Variants in APEX2 observed in about 807,000 individuals in gnomAD.
The protein encoded by APEX2 is DNA-(apurinic or apyrimidinic site) endonuclease 2.
Under a neutral mutation model 16.7 loss-of-function variants are expected in APEX2, and 4 were observed. That is an observed-to-expected ratio of 0.24 (90% CI 0.12 to 0.55). APEX2 has a LOEUF of 0.55. Ranked by LOEUF, APEX2 falls within the 20% of genes least tolerant of loss-of-function variation. The pLI is 0.94. For synonymous variants in APEX2, 181 were observed against 166.9 expected, an observed-to-expected ratio of 1.08 and a Z score of -0.65; for missense variants, 357 against 433.6, an observed-to-expected ratio of 0.82 and a Z score of 1.57.
At position 55,002,944 on chromosome X, in the gene APEX2, G is replaced by C. The variant is rs1426329485; in HGVS notation, c.423-18G>C. Reference sequence around the variant, plus strand: ...AGGTTTGAAACTGACCCCTTTTGGGGGTTTCTCTTTTCTCCAGCACATGGG... The same window carrying C: ...AGGTTTGAAACTGACCCCTTTTGGGCGTTTCTCTTTTCTCCAGCACATGGG... On this transcript the variant is annotated intron_variant, in intron 3 of 5. Transcript: ENST00000374987. 3.3e-6 allele frequency: 4 copies of C among 1,204,210 alleles called. No homozygotes were observed. Among genetic ancestry groups the C allele is most frequent in the African/African-American group, 3.5e-5 (2 of 57,683 alleles).
Position 55,008,551 on chromosome X carries a change from C to T in APEX2, c.*1116C>T, listed in dbSNP as rs1467613383. ...ATGCATTGCACTCCAGCCTGGGCAACAAGAGTGAAATTCAGTCTCCAAAAA... is the reference window on the plus strand; with the variant it reads ...ATGCATTGCACTCCAGCCTGGGCAATAAGAGTGAAATTCAGTCTCCAAAAA... On this transcript the variant is annotated 3_prime_UTR_variant, in exon 6 of 6. Transcript: ENST00000374987. 1 of 98,979 alleles carries T rather than the reference C, an allele frequency of 1.0e-5. No individual in the cohort carries two copies. Among genetic ancestry groups the T allele is most frequent in the African/African-American group, 3.8e-5 (1 of 26,621 alleles). 8.2% of individuals were successfully genotyped at this position (98,979 alleles called of 1,213,427 possible). A position where few individuals can be genotyped will look rare whatever the true frequency, so the allele number is the denominator to read the frequency against.
chrX:55,001,599 A>T lies in APEX2; in HGVS notation c.211A>T (p.Ser71Cys). 1 of 1,206,703 alleles carries T rather than the reference A, an allele frequency of 8.3e-7. No individual in the cohort carries two copies. ...CGTTGAGGGTTATAACTCCTATTTC[A>T]GCTTCAGCCGCAACCGTAGCGGCTA... The part of the protein sequence containing the change: ...AIVEGYNSYF[S>C]FSRNRSGYSG... Residue 71 changes from serine to cysteine, a missense_variant, in exon 2 of 6, where the codon AGC becomes TGC. By Grantham distance (112) the Ser-to-Cys change is moderately radical (BLOSUM62 -1). Coordinates refer to ENST00000374987, the MANE Select transcript of APEX2 (RefSeq NM_014481.4).
chrX:55,002,038 A>G (rs925844957), intron 2 of APEX2, among the ~76,000 whole-genome samples: 1 of 112,696 alleles, frequency 8.9e-6, no homozygotes, highest in African/African-American at 3.2e-5. Context: ...ATACGTCTTG[A>G]GCACTCACCA....
rs1166574802 is a variant in APEX2, at chrX:55,007,043, G to A, written c.1165G>A (p.Gly389Ser). Reference protein sequence around the residue: ...PQPSQVGSSRGQKNLKSYFQP... With the variant: ...PQPSQVGSSRSQKNLKSYFQP... ...GCCCAGTCAGGTTGGCTCTAGCAGA[G>A]GCCAGAAAAACCTGAAGAGCTACTT... The change falls in exon 6 of 6, where the codon GGC becomes AGC. Residue 389 changes from glycine (G) to serine (S), a missense_variant. By Grantham distance (56) the Gly-to-Ser change is moderately conservative. Coordinates refer to ENST00000374987, the MANE Select transcript of APEX2 (RefSeq NM_014481.4). 1 of 1,211,591 alleles carries A rather than the reference G, an allele frequency of 8.3e-7. No homozygotes were observed. The highest frequency in any genetic ancestry group is 1.1e-6 in the Non-Finnish European group (1 of 895,467).
At position 55,003,102 on chromosome X, in the gene APEX2, C is replaced by T; in HGVS notation, c.563C>T (p.Ala188Val). The T allele has an allele frequency of 8.3e-7, 1 of 1,211,382 alleles. No individual in the cohort carries two copies. The highest frequency in any genetic ancestry group is 1.1e-6 in the Non-Finnish European group (1 of 895,147). Residue 188 changes from alanine to valine, a missense_variant, in exon 4 of 6, where the codon GCA (alanine) becomes GTA (valine). Transcript: ENST00000374987. ...ATCCGAGCAGAAGCCCTCCTGGCGG[C>T]AGGCAGGTACTGCAAGCCTGGGCAG... The part of the protein sequence containing the change: ...LQIRAEALLA[A>V]GSHVIILGDL...
rs769028114 is a variant in APEX2 at position 55,003,186 on chromosome X, G to A, written c.569+78G>A. On this transcript the variant is annotated intron_variant, in intron 4 of 5. Coordinates refer to ENST00000374987, the MANE Select transcript of APEX2 (RefSeq NM_014481.4). ...CCCTGTGTCAAGCTCCATTGAAAGG[G>A]ATATGGACCCTTTGTCTCTGAGTTC... is the stretch of plus-strand genomic sequence containing the variant. 5 of 1,096,327 alleles carry A rather than the reference G, an allele frequency of 4.6e-6. No homozygotes were observed. In the African/African-American group the frequency reaches 9.2e-5, roughly 20 times the overall value. The allele number at this position is 1,096,327 out of a possible 1,213,427, so 90.3% of individuals were successfully genotyped here.
chrX:55,002,535 T>C, intron 3 of APEX2, 104 bp downstream of exon 3: 2 of 996,475 alleles, frequency 2.0e-6, no homozygotes, highest in East Asian at 3.2e-5. Flanking sequence ...GTGGAGAAGT[T>C]CCCAAATTTG....
Position 55,002,287 on chromosome X carries a change from T to C in APEX2, c.278T>C (p.Val93Ala). 2 of 1,207,429 alleles carry C rather than the reference T, an allele frequency of 1.7e-6. No homozygotes were observed. The highest frequency in any genetic ancestry group is 2.2e-6 in the Non-Finnish European group (2 of 893,737). ...TTCTGTAAGGACAATGCTACCCCAG[T>C]GGCTGCTGAAGAAGGCCTGAGTGGC... ...ATFCKDNATPVAAEEGLSGLF... is the reference protein window; with the variant it reads ...ATFCKDNATPAAAEEGLSGLF... The change falls in exon 3 of 6, where the codon GTG (valine) becomes GCG (alanine). Residue 93 changes from valine to alanine, a missense_variant. Physicochemically the swap from Val to Ala is moderately conservative, Grantham distance 64. Transcript: ENST00000374987.
chrX:55,001,323 C>T (rs1935439105), intron 1 of APEX2, among the ~76,000 whole-genome samples: 1 of 110,856 alleles, frequency 9.0e-6, no homozygotes, highest in Non-Finnish European at 1.9e-5. Flanking sequence ...ACTTCATAGT[C>T]TCTAACCGCC....
intron 5 of APEX2, among the ~76,000 whole-genome samples, chrX:55,004,270 G>A (rs181553180): frequency 1.8e-5 from 2 of 112,870 alleles, no homozygotes; most frequent in Admixed American, 1.9e-4. Context: ...GCTGAAAATG[G>A]CTGAATCTTA....
chrX:55,002,456 C>T, intron 3 of APEX2, 25 bp downstream of exon 3: 1 of 1,149,780 alleles, frequency 8.7e-7, no homozygotes, highest in Non-Finnish European at 1.2e-6. Context: ...CTCCCTGCTA[C>T]TGAGCACTGC....
In APEX2 at chrX:55,002,362, A is replaced by C. The variant is rs147247224; in HGVS notation, c.353A>C (p.Glu118Ala). 75 of 1,209,708 alleles carry C rather than the reference A, an allele frequency of 6.2e-5. No homozygotes were observed. Among genetic ancestry groups the C allele is most frequent in the Non-Finnish European group, 8.0e-5 (72 of 894,934 alleles). Residue 118 changes from glutamate to alanine, a missense_variant, in exon 3 of 6, where the codon GAG becomes GCG. Glu to Ala is a moderately radical substitution (Grantham distance 107, BLOSUM62 -1). Coordinates refer to ENST00000374987, the MANE Select transcript of APEX2 (RefSeq NM_014481.4). ...GDVGCYGNMDEFTQEELRALD... is the reference protein window; with the variant it reads ...GDVGCYGNMDAFTQEELRALD... ...GTTGGTTGCTATGGAAACATGGATG[A>C]GTTTACCCAAGAGGAACTCCGGGCT...
In APEX2 at chrX:55,007,548, T is replaced by C; in HGVS notation, c.*113T>C. ...TCCCTCAAAGTCTCCTACCCTTCTC[T>C]TCCTCTTTTAAGCCCTCTCTTCCTC... On this transcript the variant is annotated 3_prime_UTR_variant, in exon 6 of 6. Transcript: ENST00000374987. The C allele has an allele frequency of 1.2e-6, 1 of 862,351 alleles. No individual in the cohort carries two copies. The highest frequency in any genetic ancestry group is 1.6e-6 in the Non-Finnish European group (1 of 636,437). 71.1% of individuals were successfully genotyped at this position (862,351 alleles called of 1,213,427 possible). A position where few individuals can be genotyped will look rare whatever the true frequency, so the allele number is the denominator to read the frequency against.
intron 1 of APEX2, 134 bp downstream of exon 1, chrX:55,000,713 T>G: frequency 1.3e-6 from 1 of 753,837 alleles, no homozygotes; most frequent in South Asian, 3.4e-5. Context: ...CCCTTCCCTC[T>G]TAAACTTCCA....
intron 3 of APEX2, among the ~76,000 whole-genome samples, 197 bp downstream of exon 3, chrX:55,002,628 C>T (rs1450283176): frequency 2.7e-5 from 3 of 112,123 alleles, no homozygotes; most frequent in Non-Finnish European, 5.6e-5. Flanking sequence ...GAGTTTCCAT[C>T]TCTACAATGT....
Position 55,007,947 on chromosome X carries a change from T to C in APEX2, c.*512T>C, listed in dbSNP as rs1191738535. The C allele has an allele frequency of 8.9e-6, 1 of 112,450 alleles. No homozygotes were observed. The highest frequency in any genetic ancestry group is 1.9e-5 in the Non-Finnish European group (1 of 53,851). 9.3% of individuals were successfully genotyped at this position (112,450 alleles called of 1,213,427 possible). On this transcript the variant is annotated 3_prime_UTR_variant, in exon 6 of 6. Transcript: ENST00000374987. ...AGCAGCAGTGCTCACCATAAAGGGT[T>C]CTCTGCTCAGTTGTAGGAATTTCCT...
intron 5 of APEX2, among the ~76,000 whole-genome samples, chrX:55,004,222 A>G (rs1218087429): frequency 8.9e-6 from 1 of 112,669 alleles, no homozygotes; most frequent in Non-Finnish European, 1.9e-5. Flanking sequence ...GAGCTCAGAG[A>G]TGGGATTCCT....
In APEX2 at chrX:55,007,088, C is replaced by G. The variant is rs775330371; in HGVS notation, c.1210C>G (p.Pro404Ala). The part of the protein sequence containing the change: ...KSYFQPSPSC[P>A]QASPDIELPS... Reference sequence around the variant, plus strand: ...CTACTTTCAGCCCTCCCCTAGCTGTCCCCAAGCCTCTCCTGACATAGAGCT... The same window carrying G: ...CTACTTTCAGCCCTCCCCTAGCTGTGCCCAAGCCTCTCCTGACATAGAGCT... The change falls in exon 6 of 6, where the codon CCC becomes GCC. Residue 404 changes from proline to alanine, a missense_variant. Coordinates refer to ENST00000374987, the MANE Select transcript of APEX2 (RefSeq NM_014481.4). 6 of 1,211,714 alleles carry G rather than the reference C, an allele frequency of 5.0e-6. No individual in the cohort carries two copies. In the Admixed American group the frequency reaches 1.1e-4, roughly 22 times the overall value.
chrX:55,002,506 A>T (rs1164670198), intron 3 of APEX2, 75 bp downstream of exon 3: 2 of 1,070,707 alleles, frequency 1.9e-6, no homozygotes, highest in East Asian at 6.2e-5. Flanking sequence ...AAGGCTTGCC[A>T]TGTAAACATA....
Sources: allele counts gnomAD v4.1 joint callset (sites outside exome capture counted in the v4.1 genomes callset), GRCh38; gene constraint gnomAD v4.1.1; transcripts MANE v1.5; gene names NCBI Gene and HGNC (gene_info 2026-07-23, HGNC 2026-07-21).